The following RALY variants were observed in gnomAD, a reference collection of about 807,000 sequenced individuals.
RALY encodes the protein RALY heterogeneous nuclear ribonucleoprotein.
Under a neutral mutation model 30.7 loss-of-function variants are expected in RALY, and 15 were observed. The observed-to-expected ratio is 0.49, with a 90% CI of 0.33 to 0.75. RALY has a LOEUF of 0.75. RALY is among the 30% of genes least tolerant of loss of function. The pLI, the probability that RALY is intolerant of heterozygous loss-of-function variation, is 0.02. For missense variants in RALY, 339 were observed against 414.3 expected (o/e 0.82, Z 1.58); for synonymous variants, 177 against 170.8 (o/e 1.04, Z -0.28).
Position 34,079,131 on chromosome 20 carries a change from A to G in RALY, c.*4+578A>G, listed in dbSNP as rs116297088. Among the ~76,000 whole-genome samples, 313 of 152,288 alleles carry G rather than the reference A, an allele frequency of 2.1e-3. 1 individual carries two copies. The highest frequency in any genetic ancestry group is 7.3e-3 in the African/African-American group (303 of 41,570). On this transcript the variant is annotated intron_variant, in intron 9 of 9. Transcript: ENST00000246194. Reference sequence around the variant, plus strand: ...GTGAAGGGCCGTATGTGTCAGGCTTAGGGGCTGGGATTTGATTCTTTCATG... The same window carrying G: ...GTGAAGGGCCGTATGTGTCAGGCTTGGGGGCTGGGATTTGATTCTTTCATG...
intron 5 of RALY, among the ~76,000 whole-genome samples, chr20:34,075,454 T>G (rs2033846965): frequency 6.6e-6 from 1 of 152,038 alleles, no homozygotes; most frequent in Non-Finnish European, 1.5e-5. Flanking sequence ...CCCACTCCCA[T>G]ACCTCTCTAT....
chr20:34,075,807 C>T (rs1050930991), intron 5 of RALY, 67 bp from the exon 6 acceptor site: 20 of 1,512,100 alleles, frequency 1.3e-5, no homozygotes, highest in African/African-American at 5.5e-5. Context: ...CGTTTGTAGC[C>T]GGAGCTGCAA....
chr20:34,032,120 G>T (rs903406576), intron 2 of RALY, among the ~76,000 whole-genome samples: 2 of 152,110 alleles, frequency 1.3e-5, no homozygotes, highest in Non-Finnish European at 1.5e-5. Context: ...GCACCGCCAT[G>T]CCTGGCTAAT....
intron 1 of RALY, among the ~76,000 whole-genome samples, chr20:33,999,334 A>G (rs1209614694): frequency 1.3e-5 from 2 of 152,090 alleles, no homozygotes; most frequent in Non-Finnish European, 2.9e-5. Context: ...GTCTCCTTAC[A>G]TATGCTTTCA....
At chr20:34,026,459 G>T (rs2123074984) in intron 1 of RALY, among the ~76,000 whole-genome samples, 1 of 151,822 alleles carries the variant, frequency 6.6e-6, no homozygotes, top group South Asian at 2.1e-4. Flanking sequence ...CTGGAGTGCA[G>T]TGGCGTGTTC....
At position 34,049,755 on chromosome 20, in the gene RALY, TGA is replaced by T. The variant is rs143345025; in HGVS notation, c.-10+18157_-10+18158del. Among the ~76,000 whole-genome samples the T allele has an allele frequency of 1.6e-3, 237 of 152,342 alleles. 2 individuals are homozygous for T. The highest frequency in any genetic ancestry group is 5.2e-3 in the African/African-American group (217 of 41,584). ...CCCCACAATGTACAGATGAGGAAAC[TGA>T]GAGAGGTTGAGGCTTGTTCATAGTT... On this transcript the variant is annotated intron_variant, in intron 2 of 9. Coordinates refer to ENST00000246194, the MANE Select transcript of RALY (RefSeq NM_016732.3).
At chr20:34,077,378 G>A (rs769054931) in intron 8 of RALY, 133 bp downstream of exon 8, 1 of 1,528,188 alleles carries the variant, frequency 6.5e-7, no homozygotes. Flanking sequence ...AGGGGTTCTG[G>A]TCCTGGGGGA....
At chr20:34,076,664 C>T (rs1424534525) in intron 6 of RALY, 38 bp from the exon 7 acceptor site, 1 of 1,560,106 alleles carries the variant, frequency 6.4e-7, no homozygotes, top group South Asian at 1.1e-5. Context: ...AAGCCTCCAG[C>T]CCCCTAGGTG....
chr20:34,056,513 C>G (rs1018362085), intron 2 of RALY, among the ~76,000 whole-genome samples: 1 of 152,294 alleles, frequency 6.6e-6, no homozygotes, highest in Middle Eastern at 3.4e-3. Flanking sequence ...CTTTATTAAC[C>G]TCTGTAGTTT....
chr20:34,045,951 T>TAA (rs1380026328), intron 2 of RALY, among the ~76,000 whole-genome samples: 2 of 152,190 alleles, frequency 1.3e-5, no homozygotes, highest in Admixed American at 6.5e-5. Flanking sequence ...CCCCTTTTCT[T>TAA]ACAGTTTCCA....
chr20:34,024,767 A>AT (rs1224426757), intron 1 of RALY, among the ~76,000 whole-genome samples: 26 of 151,776 alleles, frequency 1.7e-4, no homozygotes, highest in Non-Finnish European at 2.5e-4. Context: ...TTGTGAGGTC[A>AT]TTTTTTTTAC....
chr20:34,064,783 C>G (rs1568690053), intron 2 of RALY, among the ~76,000 whole-genome samples: 1 of 152,176 alleles, frequency 6.6e-6, no homozygotes, highest in Non-Finnish European at 1.5e-5. Flanking sequence ...TTTCTTAATA[C>G]CTGCTAGTCC....
Position 34,080,993 on chromosome 20 carries a change from C to G in RALY, c.*1088C>G, listed in dbSNP as rs932850953. On this transcript the variant is annotated 3_prime_UTR_variant, in exon 10 of 10. Transcript: ENST00000246194. The stretch of plus-strand genomic sequence containing the variant: ...TCTGCCCCTGTCTTGGGCCACCCGT[C>G]TAGACATTTGTTCTCTAACAATCAG... 2 of 152,378 alleles carry G rather than the reference C, an allele frequency of 1.3e-5. No individual in the cohort carries two copies. Among genetic ancestry groups the G allele is most frequent in the Non-Finnish European group, 2.9e-5 (2 of 68,058 alleles). The allele number at this position is 152,378 out of a possible 1,614,324, so 9.4% of individuals were successfully genotyped here.
chr20:34,043,030 T>C (rs1226918693), intron 2 of RALY, among the ~76,000 whole-genome samples: 1 of 152,224 alleles, frequency 6.6e-6, no homozygotes, highest in Non-Finnish European at 1.5e-5. Flanking sequence ...GCTAGAGCCA[T>C]CCCAACCCAG....
chr20:34,077,295 T>C (rs1241142350), intron 8 of RALY, 50 bp downstream of exon 8: 1 of 1,606,640 alleles, frequency 6.2e-7, no homozygotes, highest in Non-Finnish European at 8.5e-7. Context: ...GCTCCTACTC[T>C]CAGGAGGCCA....
At chr20:33,996,417 C>G (rs769621099) in intron 1 of RALY, among the ~76,000 whole-genome samples, 85 of 152,128 alleles carry the variant, frequency 5.6e-4, no homozygotes, top group Non-Finnish European at 1.1e-3. Context: ...ACGTGTACCA[C>G]CAGTCAATGG....
rs138853085 is a variant in RALY at position 34,050,638 on chromosome 20, A to G, written c.-10+19034A>G. ...TCTCTATCTGAGAGTGTAGCTGGTCAGCCTGGTCCCATTTCTCATTTCCAG... is the reference window on the plus strand; with the variant it reads ...TCTCTATCTGAGAGTGTAGCTGGTCGGCCTGGTCCCATTTCTCATTTCCAG... On this transcript the variant is annotated intron_variant, in intron 2 of 9. Transcript: ENST00000246194. 1.7e-4 allele frequency among the ~76,000 whole-genome samples: 26 copies of G among 152,256 alleles called. No homozygotes were observed. The East Asian group carries it at 2.9e-3, about 17-fold the overall frequency.
chr20:34,017,602 G>C (rs916041121), intron 1 of RALY: 5 of 152,218 alleles, frequency 3.3e-5, no homozygotes, highest in African/African-American at 1.2e-4. Context: ...GGGTGAGCAG[G>C]CTCTAATGGG....
intron 1 of RALY, among the ~76,000 whole-genome samples, chr20:34,003,183 C>T (rs775284630): frequency 6.6e-5 from 10 of 152,100 alleles, no homozygotes; most frequent in Non-Finnish European, 1.0e-4. Flanking sequence ...TTTAGCATTG[C>T]CTGTGGGGTC....
Sources: gnomAD v4.1 joint callset for allele counts (sites outside exome capture counted in the v4.1 genomes callset) on GRCh38, gnomAD v4.1.1 for gene constraint, MANE v1.5 for transcripts, NCBI Gene and HGNC (gene_info 2026-07-23, HGNC 2026-07-21) for gene names.